CHD9: variants seen among roughly 807,000 people sequenced by gnomAD.
CHD9 encodes chromodomain helicase DNA binding protein 9.
CHD9 carries 77 observed loss-of-function variants against 316.1 expected under a neutral mutation model. The ratio of observed to expected loss-of-function variants is 0.24; its 90% confidence interval spans 0.20 to 0.29. The LOEUF is 0.29. CHD9 is among the 10% of genes least tolerant of loss of function. The probability of loss-of-function intolerance (pLI) is 1.00; values close to 1 mark genes in which losing one functional copy is unlikely to be tolerated. For missense variants in CHD9, 2,763 were observed against 3,438.1 expected (o/e 0.80, Z 4.91); for synonymous variants, 1,129 against 1,158.3 (o/e 0.97, Z 0.51).
intron 24 of CHD9, among the ~76,000 whole-genome samples, chr16:53,281,345 CTT>C (rs1330268857): frequency 1.3e-5 from 2 of 152,102 alleles, no homozygotes; most frequent in African/African-American, 4.8e-5. Flanking sequence ...TGTTGTTATT[CTT>C]GATTCCTCTC....
At chr16:53,157,941 AC>A (rs1452179740) in intron 2 of CHD9, among the ~76,000 whole-genome samples, 1 of 152,206 alleles carries the variant, frequency 6.6e-6, no homozygotes, top group Non-Finnish European at 1.5e-5. Flanking sequence ...AAATTAGCAA[AC>A]TTTTAAGACC....
At chr16:53,076,030 T>C (rs2034493214) in intron 1 of CHD9, among the ~76,000 whole-genome samples, 1 of 152,230 alleles carries the variant, frequency 6.6e-6, no homozygotes, top group African/African-American at 2.4e-5. Context: ...AAGCATCTTT[T>C]CATGTGCTTA....
chr16:53,179,032 A>AT, intron 2 of CHD9, among the ~76,000 whole-genome samples: 1 of 152,154 alleles, frequency 6.6e-6, no homozygotes. Context: ...CTAAAAAAAA[A>AT]ATTAAAAACG....
At chr16:53,189,900 A>G (rs991499574) in intron 2 of CHD9, among the ~76,000 whole-genome samples, 7 of 152,162 alleles carry the variant, frequency 4.6e-5, no homozygotes, top group African/African-American at 9.7e-5. Flanking sequence ...GTGACCTGTA[A>G]TCATTTAAGT....
At chr16:53,165,737 G>T (rs2042229020) in intron 2 of CHD9, among the ~76,000 whole-genome samples, 1 of 135,812 alleles carries the variant, frequency 7.4e-6, no homozygotes. Flanking sequence ...CAAGCTATTT[G>T]CTGTTTTTTT....
chr16:53,268,947 C>T (rs2051953053), intron 22 of CHD9, among the ~76,000 whole-genome samples: 1 of 152,048 alleles, frequency 6.6e-6, no homozygotes, highest in South Asian at 2.1e-4. Context: ...GGACCACAAG[C>T]ATGTAGCACC....
intron 2 of CHD9, among the ~76,000 whole-genome samples, chr16:53,193,644 T>C (rs2044659961): frequency 6.6e-6 from 1 of 152,180 alleles, no homozygotes; most frequent in Non-Finnish European, 1.5e-5. Context: ...GTCTTTGTTT[T>C]CATATTTATT....
chr16:53,320,132 C>T (rs1340000007), intron 37 of CHD9, among the ~76,000 whole-genome samples: 1 of 147,336 alleles, frequency 6.8e-6, no homozygotes, highest in Non-Finnish European at 1.5e-5. Context: ...ACTATGATCA[C>T]ATCACTGCAT....
At chr16:53,106,830 T>G (rs866154722) in intron 1 of CHD9, among the ~76,000 whole-genome samples, 1 of 152,168 alleles carries the variant, frequency 6.6e-6, no homozygotes, top group African/African-American at 2.4e-5. Context: ...GAAGAGGTAA[T>G]GTGTATGTTC....
At chr16:53,286,625 C>A (rs973873910) in intron 26 of CHD9, among the ~76,000 whole-genome samples, 1 of 151,998 alleles carries the variant, frequency 6.6e-6, no homozygotes, top group Non-Finnish European at 1.5e-5. Context: ...CTTCTAGGGG[C>A]ATAGGGGGAG....
In CHD9 at chr16:53,306,189, C is replaced by T. The variant is rs958167527; in HGVS notation, c.6620-48C>T. The stretch of plus-strand genomic sequence containing the variant: ...TTATGTAAAATCCTTATATATAAAA[C>T]TATTTTATGTAGTCTTTTTAAAAAA... On this transcript the variant is annotated intron_variant, in intron 31 of 38. Transcript: ENST00000447540. 11 of 1,137,196 alleles carry T rather than the reference C, an allele frequency of 9.7e-6. No homozygotes were observed. The South Asian group carries it at 1.8e-4, about 18-fold the overall frequency. The allele number at this position is 1,137,196 out of a possible 1,614,324, so 70.4% of individuals were successfully genotyped here. A position where few individuals can be genotyped will look rare whatever the true frequency, so the allele number is the denominator to read the frequency against.
chr16:53,138,975 A>T (rs188743853), intron 1 of CHD9, among the ~76,000 whole-genome samples: 1 of 152,194 alleles, frequency 6.6e-6, no homozygotes, highest in African/African-American at 2.4e-5. Flanking sequence ...GCAAAGGGGC[A>T]GTTAAAGATC....
At chr16:53,073,467 ACT>A (rs2152520281) in intron 1 of CHD9, among the ~76,000 whole-genome samples, 1 of 152,100 alleles carries the variant, frequency 6.6e-6, no homozygotes, top group South Asian at 2.1e-4. Context: ...TCTCTTTGAG[ACT>A]CTGTTTTCAA....
chr16:53,095,282 A>G (rs779191105), intron 1 of CHD9, among the ~76,000 whole-genome samples: 58 of 152,332 alleles, frequency 3.8e-4, no homozygotes, highest in Non-Finnish European at 7.3e-4. Flanking sequence ...GCAGTGGTTC[A>G]TACCTATAAT....
intron 2 of CHD9, among the ~76,000 whole-genome samples, chr16:53,194,528 G>A (rs951328431): frequency 1.2e-4 from 19 of 152,034 alleles, no homozygotes; most frequent in African/African-American, 4.1e-4. Context: ...AGCGGAGATC[G>A]TACCACTTCA....
intron 30 of CHD9, among the ~76,000 whole-genome samples, 171 bp from the exon 31 acceptor site, chr16:53,303,549 A>G (rs2055648040): frequency 6.6e-6 from 1 of 152,118 alleles, no homozygotes; most frequent in African/African-American, 2.4e-5. Flanking sequence ...CAAAATCCTC[A>G]CTGAATTTCT....
chr16:53,231,622 G>C, intron 9 of CHD9, 25 bp from the exon 10 acceptor site: 1 of 1,515,406 alleles, frequency 6.6e-7, no homozygotes, highest in South Asian at 1.2e-5. Context: ...TTTTCAAAAT[G>C]GTAAATGAAA....
chr16:53,260,832 C>G (rs942825082), intron 19 of CHD9, among the ~76,000 whole-genome samples: 8 of 152,136 alleles, frequency 5.3e-5, no homozygotes, highest in African/African-American at 1.7e-4. Flanking sequence ...AGTCAAATCT[C>G]CCACTGCCTC....
intron 29 of CHD9, among the ~76,000 whole-genome samples, chr16:53,296,314 C>T (rs751659178): frequency 1.8e-4 from 27 of 152,106 alleles, no homozygotes; most frequent in Admixed American, 5.9e-4. Context: ...CTGATTTTCT[C>T]ACATAGCAAA....
Sources: allele counts gnomAD v4.1 joint callset (sites outside exome capture counted in the v4.1 genomes callset), GRCh38; gene constraint gnomAD v4.1.1; transcripts MANE v1.5; gene names NCBI Gene and HGNC (gene_info 2026-07-23, HGNC 2026-07-21).